The following COL5A2 variants were observed in gnomAD, a reference collection of about 807,000 sequenced individuals.
The protein encoded by COL5A2 is collagen type V alpha 2 chain, also known as collagen alpha-2(V) chain.
COL5A2 carries 23 observed loss-of-function variants against 208.2 expected under a neutral mutation model. The ratio of observed to expected loss-of-function variants is 0.11; its 90% CI spans 0.08 to 0.16. The LOEUF (loss-of-function observed/expected upper bound fraction) is 0.16. COL5A2 is among the 10% of genes least tolerant of loss of function. COL5A2 has a pLI of 1.00. For synonymous variants in COL5A2, 625 were observed against 628.5 expected (o/e 0.99, Z 0.08); for missense variants, 1,590 against 1,956.4 (o/e 0.81, Z 3.53).
At chr2:189,076,176 C>T (rs7592230) in intron 16 of COL5A2, among the ~76,000 whole-genome samples, 132,816 of 152,124 alleles carry the variant, frequency 0.87, 58,693 homozygotes, top group Non-Finnish European at 0.95. Flanking sequence ...TTTCTAAGAG[C>T]ACTCACCAAT....
the COL5A2 span, among the ~76,000 whole-genome samples, chr2:189,403,863 G>T: frequency 6.6e-6 from 1 of 152,310 alleles, no homozygotes; most frequent in East Asian, 1.9e-4. Context: ...CTCCCGAGTA[G>T]CTGGGATTAC....
chr2:189,219,872 TG>T (rs1689325239), intron 1 of COL5A2, among the ~76,000 whole-genome samples: 3 of 15,030 alleles, frequency 2.0e-4, no homozygotes. Flanking sequence ...GCAGATAGAG[TG>T]CCCCCCCCCC....
the COL5A2 span, among the ~76,000 whole-genome samples, chr2:189,324,179 G>T: frequency 6.6e-6 from 1 of 152,156 alleles, no homozygotes; most frequent in Admixed American, 6.6e-5. Flanking sequence ...ATTCAAGATG[G>T]ATTAAAGACT....
chr2:189,169,953 G>A (rs1688541223), intron 1 of COL5A2, among the ~76,000 whole-genome samples: 1 of 152,182 alleles, frequency 6.6e-6, no homozygotes, highest in South Asian at 2.1e-4. Flanking sequence ...CTGACCTCAG[G>A]TGATCTACCC....
chr2:189,293,805 G>A, the COL5A2 span, among the ~76,000 whole-genome samples: 1 of 152,092 alleles, frequency 6.6e-6, no homozygotes, highest in South Asian at 2.1e-4. Flanking sequence ...AACCCAGAGG[G>A]CCAGGAGCGG....
At chr2:189,256,682 C>T in the COL5A2 span, among the ~76,000 whole-genome samples, 2 of 152,148 alleles carry the variant, frequency 1.3e-5, no homozygotes, top group African/African-American at 4.8e-5. Flanking sequence ...GATAGAGTCT[C>T]GCTCTGTTGC....
At chr2:189,406,813 G>A in the COL5A2 span, among the ~76,000 whole-genome samples, 5 of 152,040 alleles carry the variant, frequency 3.3e-5, no homozygotes, top group Admixed American at 3.3e-4. Context: ...ATAAACTCTT[G>A]TCTTAACACT....
At chr2:189,302,145 C>G in the COL5A2 span, among the ~76,000 whole-genome samples, 3 of 152,116 alleles carry the variant, frequency 2.0e-5, no homozygotes, top group African/African-American at 7.2e-5. Flanking sequence ...TTGCAATTAA[C>G]CAAATTAGTG....
chr2:189,377,962 G>A, the COL5A2 span, among the ~76,000 whole-genome samples: 1 of 152,174 alleles, frequency 6.6e-6, no homozygotes, highest in Non-Finnish European at 1.5e-5. Context: ...GTTTTTAAGG[G>A]TATAAATAGC....
At chr2:189,340,970 A>T in the COL5A2 span, among the ~76,000 whole-genome samples, 1 of 152,238 alleles carries the variant, frequency 6.6e-6, no homozygotes, top group Non-Finnish European at 1.5e-5. Context: ...AAAGACTTCC[A>T]AAACAATATA....
the COL5A2 span, among the ~76,000 whole-genome samples, chr2:189,430,648 G>A: frequency 6.6e-6 from 1 of 151,956 alleles, no homozygotes; most frequent in Non-Finnish European, 1.5e-5. Flanking sequence ...ATCCTCCATT[G>A]CTGAGGCTTG....
At chr2:189,084,586 T>C (rs1018218843) in intron 11 of COL5A2, among the ~76,000 whole-genome samples, 1 of 152,196 alleles carries the variant, frequency 6.6e-6, no homozygotes. Context: ...GGCCTACCCA[T>C]AATTTGATCC....
the COL5A2 span, among the ~76,000 whole-genome samples, chr2:189,408,194 A>T: frequency 1.3e-5 from 2 of 152,204 alleles, no homozygotes; most frequent in Non-Finnish European, 2.9e-5. Context: ...AAGTAAGTGA[A>T]GGATAATCCT....
the COL5A2 span, among the ~76,000 whole-genome samples, chr2:189,262,517 C>A: frequency 6.6e-6 from 1 of 152,052 alleles, no homozygotes; most frequent in Non-Finnish European, 1.5e-5. Flanking sequence ...AGAGAAACAG[C>A]ATTTATGGTT....
At chr2:189,398,327 T>C in the COL5A2 span, among the ~76,000 whole-genome samples, 4 of 152,152 alleles carry the variant, frequency 2.6e-5, no homozygotes, top group East Asian at 5.8e-4. Flanking sequence ...AAATCTTCCA[T>C]ATTCTTCTCT....
At chr2:189,202,201 G>T (rs1199184088) in intron 1 of COL5A2, among the ~76,000 whole-genome samples, 1 of 151,782 alleles carries the variant, frequency 6.6e-6, no homozygotes, top group African/African-American at 2.4e-5. Context: ...AATACAATGT[G>T]AACCATAAAC....
the COL5A2 span, among the ~76,000 whole-genome samples, chr2:189,246,004 C>A: frequency 6.6e-6 from 1 of 152,124 alleles, no homozygotes; most frequent in African/African-American, 2.4e-5. Context: ...TCCATAAGCA[C>A]AGGTTTGTTG....
chr2:189,142,889 CT>C (rs1687960842), intron 1 of COL5A2, among the ~76,000 whole-genome samples: 1 of 152,006 alleles, frequency 6.6e-6, no homozygotes, highest in Non-Finnish European at 1.5e-5. Context: ...TCATCAACTG[CT>C]TTTTGACCTA....
At chr2:189,330,919 A>G in the COL5A2 span, among the ~76,000 whole-genome samples, 1 of 152,178 alleles carries the variant, frequency 6.6e-6, no homozygotes, top group African/African-American at 2.4e-5. Context: ...GCATAAAACC[A>G]TGAGTATATA....
Sources: allele counts gnomAD v4.1 joint callset (sites outside exome capture counted in the v4.1 genomes callset), GRCh38; gene constraint gnomAD v4.1.1; transcripts MANE v1.5; gene names NCBI Gene and HGNC (gene_info 2026-07-23, HGNC 2026-07-21).